PCDHGA2: variants seen among roughly 807,000 people sequenced by gnomAD.
PCDHGA2 encodes protocadherin gamma-A2.
PCDHGA2 carries 40 observed loss-of-function variants against 59.2 expected under a neutral mutation model. The observed-to-expected ratio is 0.68, with a 90% CI of 0.52 to 0.88. The LOEUF (loss-of-function observed/expected upper bound fraction) is 0.88, where lower values mean the gene tolerates loss of function less well. PCDHGA2 is among the 40% of genes least tolerant of loss of function. PCDHGA2 has a pLI of 0.00. For synonymous variants in PCDHGA2, 560 were observed against 526.0 expected (o/e 1.06, Z -0.89); for missense variants, 1,226 against 1,204.0 (o/e 1.02, Z -0.27).
At chr5:141,482,530 C>CAAAAAA (rs3074545) in intron 1 of PCDHGA2, among the ~76,000 whole-genome samples, 68 of 76,370 alleles carry the variant, frequency 8.9e-4, no homozygotes, top group African/African-American at 1.2e-3. Context: ...GACAGACATG[C>CAAAAAA]AAAAAAAAAA....
chr5:141,456,633 C>CT (rs1229637837), intron 1 of PCDHGA2, among the ~76,000 whole-genome samples: 1 of 152,182 alleles, frequency 6.6e-6, no homozygotes, highest in Non-Finnish European at 1.5e-5. Context: ...CTCTTCTTTA[C>CT]TACAGGTGTT....
At chr5:141,429,329 A>G (rs1561840804) in intron 1 of PCDHGA2, among the ~76,000 whole-genome samples, 1 of 152,122 alleles carries the variant, frequency 6.6e-6, no homozygotes, top group Non-Finnish European at 1.5e-5. Flanking sequence ...TCTTTAATCC[A>G]TTAACTATAA....
intron 1 of PCDHGA2, chr5:141,408,371 A>C (rs2095092452): frequency 6.2e-7 from 1 of 1,613,848 alleles, no homozygotes; most frequent in Non-Finnish European, 8.5e-7. Flanking sequence ...TCTAGGGCTC[A>C]GTGTCCTGGA....
chr5:141,344,674 C>A (rs1431245581), intron 1 of PCDHGA2: 2 of 1,613,968 alleles, frequency 1.2e-6, no homozygotes, highest in Admixed American at 3.3e-5. Flanking sequence ...GTCCTGGTTG[C>A]CTCTGATGGT....
Position 141,431,352 on chromosome 5 carries a change from G to C in PCDHGA2, c.2425-63455G>C. Reference sequence around the variant, plus strand: ...AAGTACCCCGAATTGGTGCTGAAACGCGCCCTGGACCGCGAAGAAAAGGCT... The same window carrying C: ...AAGTACCCCGAATTGGTGCTGAAACCCGCCCTGGACCGCGAAGAAAAGGCT... On this transcript the variant is annotated intron_variant, in intron 1 of 3. Coordinates refer to ENST00000394576, the MANE Select transcript of PCDHGA2 (RefSeq NM_018915.4). This position sits in a 1 kb window ranked among gnomAD's most constrained non-coding sequence, Gnocchi z 4.8. The C allele has an allele frequency of 6.2e-7, 1 of 1,614,044 alleles. No individual in the cohort carries two copies. The highest frequency in any genetic ancestry group is 8.5e-7 in the Non-Finnish European group (1 of 1,180,032).
In PCDHGA2 at chr5:141,340,920, G is replaced by C; in HGVS notation, c.1949G>C (p.Gly650Ala). Residue 650 changes from glycine to alanine, a missense_variant, in exon 1 of 4, where the codon GGC (glycine) becomes GCC (alanine). Physicochemically the swap from Gly to Ala is moderately conservative, Grantham distance 60 (BLOSUM62 0). Transcript: ENST00000394576. ...CTCGTGGTGGCCATCCAGGACCACG[G>C]CCAGCCCCCTCTCTCCGCCACTGTC... ...QSLVVAIQDH[G>A]QPPLSATVTL... 1 of 1,613,752 alleles carries C rather than the reference G, an allele frequency of 6.2e-7. No individual in the cohort carries two copies. Among genetic ancestry groups the C allele is most frequent in the South Asian group, 1.1e-5 (1 of 91,054 alleles).
intron 1 of PCDHGA2, chr5:141,383,493 G>T: frequency 1.2e-6 from 2 of 1,613,270 alleles, no homozygotes; most frequent in Non-Finnish European, 1.7e-6. Context: ...TGCTGGAGCG[G>T]GTGCTGGACC....
intron 1 of PCDHGA2, among the ~76,000 whole-genome samples, chr5:141,480,672 T>A (rs1053078255): frequency 2.0e-5 from 3 of 152,166 alleles, no homozygotes; most frequent in African/African-American, 7.2e-5. Context: ...CCTAGAGACC[T>A]TTTAAAAATT....
intron 3 of PCDHGA2, chr5:141,507,000 TGA>T (rs1235660361): frequency 1.3e-5 from 2 of 152,218 alleles, no homozygotes; most frequent in African/African-American, 4.8e-5. Flanking sequence ...ACTCGACAGA[TGA>T]GAGAACCGAG....
At chr5:141,506,444 CAAAA>C (rs1219684339) in intron 3 of PCDHGA2, among the ~76,000 whole-genome samples, 5 of 95,022 alleles carry the variant, frequency 5.3e-5, no homozygotes, top group Admixed American at 1.1e-4. Context: ...CGCTCTGTCT[CAAAA>C]AAAAAAAAAA....
intron 1 of PCDHGA2, chr5:141,410,800 T>A: frequency 1.5e-6 from 1 of 678,550 alleles, no homozygotes; most frequent in Non-Finnish European, 2.2e-6. Context: ...TAAGTTGCTC[T>A]ATCTTTTTGT....
rs778832518 is a variant in PCDHGA2, at chr5:141,340,411, C to G, written c.1440C>G (p.Asp480Glu). Residue 480 changes from aspartate to glutamate, a missense_variant, in exon 1 of 4, where the codon GAC (aspartate) becomes GAG (glutamate). Physicochemically the swap from Asp to Glu is conservative, Grantham distance 45. Coordinates refer to ENST00000394576, the MANE Select transcript of PCDHGA2 (RefSeq NM_018915.4). The stretch of plus-strand genomic sequence containing the variant: ...TCTCAGTGACGGCCCATGACCCCGA[C>G]AGCAACGACAATGCTCATGTAACTT... ...SVFSVTAHDPDSNDNAHVTYS... is the reference protein window; with the variant it reads ...SVFSVTAHDPESNDNAHVTYS... 3 of 1,614,216 alleles carry G rather than the reference C, an allele frequency of 1.9e-6. No homozygotes were observed. Among genetic ancestry groups the G allele is most frequent in the East Asian group, 4.5e-5 (2 of 44,880 alleles).
intron 1 of PCDHGA2, among the ~76,000 whole-genome samples, chr5:141,465,824 T>A (rs1447359333): frequency 6.6e-6 from 1 of 152,076 alleles, no homozygotes; most frequent in Non-Finnish European, 1.5e-5. Context: ...ATCACATTTG[T>A]TTAAAATTTC....
intron 1 of PCDHGA2, chr5:141,440,369 G>A (rs2098171994): frequency 6.6e-6 from 1 of 152,156 alleles, no homozygotes; most frequent in African/African-American, 2.4e-5. Context: ...GGGGGGCCGA[G>A]GCAGGAGAAT....
chr5:141,356,104 A>G lies in PCDHGA2; in HGVS notation c.2424+14709A>G, dbSNP rs763528385. On this transcript the variant is annotated intron_variant, in intron 1 of 3. Transcript: ENST00000394576. ...GTTGAATTCTCTGAGTGGGGATATA[A>G]CAATATTGGGGGGTCTAGATTATGA... 184 of 1,613,800 alleles carry G rather than the reference A, an allele frequency of 1.1e-4. 1 individual carries two copies. In the South Asian group the frequency reaches 1.8e-3, roughly 16 times the overall value.
chr5:141,487,533 T>C lies in PCDHGA2; in HGVS notation c.2425-7274T>C. On this transcript the variant is annotated intron_variant, in intron 1 of 3. Coordinates refer to ENST00000394576, the MANE Select transcript of PCDHGA2 (RefSeq NM_018915.4). This position sits in a 1 kb window ranked among gnomAD's most constrained non-coding sequence, Gnocchi z 5.0. The stretch of plus-strand genomic sequence containing the variant: ...CCCACTCGGAGTGATAGCTTCATGA[T>C]GGTGAAGTCACCCAGTGCACCTATG... 6.2e-7 allele frequency: 1 copy of C among 1,614,186 alleles called. No individual in the cohort carries two copies. Among genetic ancestry groups the C allele is most frequent in the South Asian group, 1.1e-5 (1 of 91,080 alleles).
intron 1 of PCDHGA2, chr5:141,414,643 C>G (rs765652709): frequency 1.2e-6 from 2 of 1,613,942 alleles, no homozygotes; most frequent in Non-Finnish European, 8.5e-7. Flanking sequence ...AGAGAATGCC[C>G]AGATTATTTA....
chr5:141,435,254 G>C (rs1220755047), intron 1 of PCDHGA2, among the ~76,000 whole-genome samples: 1 of 152,018 alleles, frequency 6.6e-6, no homozygotes, highest in African/African-American at 2.4e-5. Flanking sequence ...GGCCATTAGG[G>C]ATATGTCCAT....
intron 1 of PCDHGA2, chr5:141,407,886 A>G (rs1390921977): frequency 2.6e-6 from 1 of 384,594 alleles, no homozygotes; most frequent in Non-Finnish European, 4.6e-6. Context: ...CATTTCGGAG[A>G]CCGAATTCAA....
Sources: gnomAD v4.1 joint callset for allele counts (sites outside exome capture counted in the v4.1 genomes callset) on GRCh38, gnomAD v4.1.1 for gene constraint, Gnocchi (gnomAD v3.1) non-coding constraint, MANE v1.5 for transcripts, NCBI Gene and HGNC (gene_info 2026-07-23, HGNC 2026-07-21) for gene names.